The following ZNF141 variants were observed in gnomAD, a reference collection of about 807,000 sequenced individuals.
The protein encoded by ZNF141 is zinc finger protein 141 (clone pHZ-44).
In ZNF141, 7 loss-of-function variants were observed where a neutral mutation model predicts 11.3. The ratio of observed to expected loss-of-function variants is 0.62; its 90% CI spans 0.35 to 1.16. ZNF141 has a LOEUF of 1.16. ZNF141 is among the 50% of genes most tolerant of loss of function. The pLI, the probability that ZNF141 is intolerant of heterozygous loss-of-function variation, is 0.02. For missense variants in ZNF141, 535 were observed against 554.0 expected, an observed-to-expected ratio of 0.97 and a Z score of 0.34; for synonymous variants, 183 against 190.7, an observed-to-expected ratio of 0.96 and a Z score of 0.33.
At chr4:340,889 A>G (rs1183143195) in intron 1 of ZNF141, among the ~76,000 whole-genome samples, 3 of 152,156 alleles carry the variant, frequency 2.0e-5, no homozygotes, top group African/African-American at 4.8e-5. Context: ...ACAGCTTTCT[A>G]TCAGTTCCGT....
chr4:373,044 G>T lies in ZNF141; in HGVS notation c.607G>T (p.Glu203Ter). Reference protein sequence around the residue: ...HAGEKPYTCEECGKAFKWSLI... With the variant: ...HAGEKPYTCE The stretch of plus-strand genomic sequence containing the variant: ...TGGAGAGAAACCCTACACTTGTGAA[G>T]AATGTGGCAAAGCCTTTAAATGGTC... The change falls in exon 4 of 4, where the codon GAA becomes TAA. Residue 203 changes from glutamate to a stop codon, truncating the protein, a stop_gained. Coordinates refer to ENST00000240499, the MANE Select transcript of ZNF141 (RefSeq NM_003441.4). LOFTEE classifies it low-confidence loss of function (END_TRUNC). 6.2e-7 allele frequency: 1 copy of T among 1,613,944 alleles called. No homozygotes were observed. Among genetic ancestry groups the T allele is most frequent in the South Asian group, 1.1e-5 (1 of 91,082 alleles).
At chr4:349,137 A>T (rs1721474990) in intron 3 of ZNF141, among the ~76,000 whole-genome samples, 1 of 152,096 alleles carries the variant, frequency 6.6e-6, no homozygotes, top group Non-Finnish European at 1.5e-5. Context: ...AAATGCAAGA[A>T]ATATTTGTAT....
chr4:342,743 G>T, intron 1 of ZNF141: 1 of 1,368,268 alleles, frequency 7.3e-7, no homozygotes, highest in Non-Finnish European at 1.0e-6. Flanking sequence ...TGGGTGAAAA[G>T]TCCTTATTTA....
rs145045186 is a variant in ZNF141, at chr4:347,238, C to T, written c.226+2808C>T. Among the ~76,000 whole-genome samples the T allele has an allele frequency of 5.6e-3, 849 of 151,388 alleles. 11 individuals are homozygous for T. The highest frequency in any genetic ancestry group is 0.019 in the African/African-American group (788 of 41,266). ...TTTTAATAGAGACGGAGTTTCTCCA[C>T]GTTGGTCAGGCTAGTCTCGAACTCC... is the stretch of plus-strand genomic sequence containing the variant. On this transcript the variant is annotated intron_variant, in intron 3 of 3. Coordinates refer to ENST00000240499, the MANE Select transcript of ZNF141 (RefSeq NM_003441.4).
At chr4:343,087 G>T in intron 1 of ZNF141, 1 of 478,968 alleles carries the variant, frequency 2.1e-6, no homozygotes. Flanking sequence ...TTCCTTGCAT[G>T]ATTAAAAAAG....
chr4:357,707 C>CTTTTTTTTTTTTTT (rs572493320), intron 3 of ZNF141, among the ~76,000 whole-genome samples: 22 of 132,568 alleles, frequency 1.7e-4, no homozygotes, highest in Non-Finnish European at 2.8e-4. Context: ...TTTCTTTTTT[C>CTTTTTTTTTTTTTT]TTTTTTTTTT....
intron 3 of ZNF141, among the ~76,000 whole-genome samples, chr4:370,748 G>T (rs11725919): frequency 0.24 from 35,378 of 149,652 alleles, 4,209 homozygotes; most frequent in Middle Eastern, 0.28. Context: ...TTTTTTTTTT[G>T]AAATGAAAGT....
rs1712302112 is a variant in ZNF141 at position 375,137 on chromosome 4, C to T, written c.*1275C>T. ...AATATAGAAAAGTCATATCTCCTCA[C>T]ATTTTACTAACTAGCAATGTTCATA... On this transcript the variant is annotated 3_prime_UTR_variant, in exon 4 of 4. Transcript: ENST00000240499. The T allele has an allele frequency of 6.6e-6, 1 of 152,254 alleles. No individual in the cohort carries two copies. Among genetic ancestry groups the T allele is most frequent in the African/African-American group, 2.4e-5 (1 of 41,568 alleles). 9.4% of individuals were successfully genotyped at this position (152,254 alleles called of 1,614,324 possible). A position where few individuals can be genotyped will look rare whatever the true frequency, so the allele number is the denominator to read the frequency against.
In ZNF141 at chr4:376,194, A is replaced by G. The variant is rs1389041332; in HGVS notation, c.*2332A>G. ...CCTTACTCAATGGTGTAGGTAAAAG[A>G]TGGTAACAATGGTAACATAGTTGAA... On this transcript the variant is annotated 3_prime_UTR_variant, in exon 4 of 4. Coordinates refer to ENST00000240499, the MANE Select transcript of ZNF141 (RefSeq NM_003441.4). Among the ~76,000 whole-genome samples the G allele has an allele frequency of 2.6e-5, 4 of 152,078 alleles. No homozygotes were observed. Among genetic ancestry groups the G allele is most frequent in the Non-Finnish European group, 5.9e-5 (4 of 67,914 alleles).
rs34905613 is a variant in ZNF141 at position 381,946 on chromosome 4, C to CTTTTTTTTTTTTTTTTTTTTTTTT, written c.*8103_*8104insTTTTTTTTTTTTTTTTTTTTTTTT. On this transcript the variant is annotated 3_prime_UTR_variant, in exon 4 of 4. Coordinates refer to ENST00000240499, the MANE Select transcript of ZNF141 (RefSeq NM_003441.4). ...CTAGGGCCACCACCATCTCTGGGAA[C>CTTTTTTTTTTTTTTTTTTTTTTTT]TTTTTTTTTTTTTTTTTTTGAGACG... Among the ~76,000 whole-genome samples the CTTTTTTTTTTTTTTTTTTTTTTTT allele has an allele frequency of 1.4e-3, 152 of 105,908 alleles. 8 individuals are homozygous for CTTTTTTTTTTTTTTTTTTTTTTTT. The highest frequency in any genetic ancestry group is 1.6e-3 in the African/African-American group (36 of 22,436). 69.5% of individuals were successfully genotyped at this position (105,908 alleles called of 152,430 possible). A position where few individuals can be genotyped will look rare whatever the true frequency, so the allele number is the denominator to read the frequency against.
chr4:346,763 C>G (rs1378586380), intron 3 of ZNF141, among the ~76,000 whole-genome samples: 1 of 151,986 alleles, frequency 6.6e-6, no homozygotes, highest in Non-Finnish European at 1.5e-5. Flanking sequence ...GCATAATGCC[C>G]TCCAGGTCTA....
chr4:349,475 A>G (rs993304037), intron 3 of ZNF141, among the ~76,000 whole-genome samples: 4 of 152,052 alleles, frequency 2.6e-5, no homozygotes, highest in African/African-American at 9.7e-5. Flanking sequence ...AATTGTTTTG[A>G]TACAAACTTC....
At chr4:344,251 C>T (rs1233459732) in intron 2 of ZNF141, 84 bp from the exon 3 acceptor site, 19 of 1,188,266 alleles carry the variant, frequency 1.6e-5, no homozygotes, top group Admixed American at 2.2e-5. Flanking sequence ...CATAATATCT[C>T]TATTCTGCTT....
chr4:340,300 G>A (rs185474222), intron 1 of ZNF141, among the ~76,000 whole-genome samples: 1 of 152,240 alleles, frequency 6.6e-6, no homozygotes, highest in Admixed American at 6.5e-5. Context: ...GCTCCCCAAA[G>A]CTGCAAACAA....
chr4:355,397 G>C (rs1292751529), intron 3 of ZNF141, among the ~76,000 whole-genome samples: 1 of 151,964 alleles, frequency 6.6e-6, no homozygotes, highest in Non-Finnish European at 1.5e-5. Flanking sequence ...GTAGAGACAG[G>C]GTTTCACCAT....
chr4:382,241 C>T lies in ZNF141; in HGVS notation c.*8379C>T, dbSNP rs1439865226. On this transcript the variant is annotated 3_prime_UTR_variant, in exon 4 of 4. Transcript: ENST00000240499. ...GATTACAGGCATGAGCCACCGCGCC[C>T]GGCCTTAGTTGTGTGTGATTTCTAT... 7.2e-5 allele frequency among the ~76,000 whole-genome samples: 11 copies of T among 152,186 alleles called. No homozygotes were observed. The highest frequency in any genetic ancestry group is 5.2e-4 in the Admixed American group (8 of 15,278).
chr4:346,864 T>C (rs1553849620), intron 3 of ZNF141, among the ~76,000 whole-genome samples: 3 of 142,892 alleles, frequency 2.1e-5, no homozygotes, highest in African/African-American at 8.2e-5. Context: ...TATACATGTA[T>C]GTATATATAT....
rs782354564 is a variant in ZNF141, at chr4:373,814, C to T, written c.1377C>T (p.Ala459=). The T allele has an allele frequency of 5.6e-6, 9 of 1,612,864 alleles. No individual in the cohort carries two copies. The East Asian group carries it at 2.0e-4, about 36-fold the overall frequency. The stretch of plus-strand genomic sequence containing the variant: ...ACAAATGTAAAGATTGTGACAAAGC[C>T]TTTAAACGGTTCTCACACCTGAATA... ...KPYKCKDCDK[A]FKRFSHLNKH... is the part of the protein sequence containing the mutation. The change falls in exon 4 of 4, where the codon GCC becomes GCT. Residue 459 remains alanine, a synonymous_variant. Coordinates refer to ENST00000240499, the MANE Select transcript of ZNF141 (RefSeq NM_003441.4).
intron 3 of ZNF141, chr4:358,685 C>G (rs983981005): frequency 1.3e-5 from 2 of 152,968 alleles, no homozygotes; most frequent in Admixed American, 6.5e-5. Flanking sequence ...TCAAGCAATT[C>G]TCCTGTCTCA....
Sources: allele counts gnomAD v4.1 joint callset (sites outside exome capture counted in the v4.1 genomes callset), GRCh38; gene constraint gnomAD v4.1.1; transcripts MANE v1.5; gene names NCBI Gene and HGNC (gene_info 2026-07-23, HGNC 2026-07-21).